DPP10: variants seen among roughly 807,000 people sequenced by gnomAD.
DPP10 encodes the protein dipeptidyl peptidase like 10.
Under a neutral mutation model 120.9 loss-of-function variants are expected in DPP10, and 33 were observed. That is an observed-to-expected ratio of 0.27 (90% CI 0.21 to 0.37). DPP10 has a LOEUF of 0.37. DPP10 is among the 10% of genes least tolerant of loss of function. The pLI, the probability that DPP10 is intolerant of heterozygous loss-of-function variation, is 1.00. For missense variants in DPP10, 816 were observed against 942.8 expected (o/e 0.87, Z 1.76); for synonymous variants, 337 against 326.1 (o/e 1.03, Z -0.36).
At chr2:115,725,578 T>G (rs2092747635) in intron 7 of DPP10, among the ~76,000 whole-genome samples, 1 of 152,180 alleles carries the variant, frequency 6.6e-6, no homozygotes, top group Non-Finnish European at 1.5e-5. Context: ...GGTCAATAGT[T>G]TTGGATAATT....
chr2:115,121,771 C>T lies in DPP10; in HGVS notation c.61-187468C>T, dbSNP rs561924083. On this transcript the variant is annotated intron_variant, in intron 1 of 25. Transcript: ENST00000410059. ...CCCTCCTGTTTGTGCATTTCTCCTTCTCCTTAGCCCTGTCCTCCTTATTCT... is the reference window on the plus strand; with the variant it reads ...CCCTCCTGTTTGTGCATTTCTCCTTTTCCTTAGCCCTGTCCTCCTTATTCT... Among the ~76,000 whole-genome samples the T allele has an allele frequency of 4.9e-4, 75 of 152,296 alleles. 1 individual carries two copies. Among genetic ancestry groups the T allele is most frequent in the African/African-American group, 1.2e-3 (49 of 41,574 alleles).
chr2:114,653,023 A>AGT (rs1307967017), intron 1 of DPP10, among the ~76,000 whole-genome samples: 46 of 102,634 alleles, frequency 4.5e-4, no homozygotes, highest in African/African-American at 2.3e-3. Context: ...AGAGAGAGAG[A>AGT]GAGAGTGTGT....
chr2:114,831,731 AC>A (rs1270526753), intron 1 of DPP10, among the ~76,000 whole-genome samples: 1 of 152,090 alleles, frequency 6.6e-6, no homozygotes, highest in East Asian at 1.9e-4. Flanking sequence ...GTTGCAGAGT[AC>A]AATTTAACTG....
chr2:115,750,040 G>A, intron 10 of DPP10: 1 of 985,364 alleles, frequency 1.0e-6, no homozygotes, highest in Non-Finnish European at 1.2e-6. Context: ...CAGAGCCATG[G>A]AGACTAGGAA....
intron 1 of DPP10, among the ~76,000 whole-genome samples, chr2:114,655,796 T>A (rs909350674): frequency 5.9e-5 from 9 of 152,282 alleles, no homozygotes; most frequent in African/African-American, 2.2e-4. Context: ...TAAAAAAAGA[T>A]ATTTCACAGA....
chr2:115,450,787 T>C (rs1017826556), intron 3 of DPP10, among the ~76,000 whole-genome samples: 2 of 151,932 alleles, frequency 1.3e-5, no homozygotes, highest in African/African-American at 4.8e-5. Context: ...GCTCTGAAGA[T>C]GCAATAATTT....
At position 114,829,677 on chromosome 2, in the gene DPP10, G is replaced by A. The variant is rs189639163; in HGVS notation, c.60+386839G>A. Among the ~76,000 whole-genome samples, 1,270 of 151,752 alleles carry A rather than the reference G, an allele frequency of 8.4e-3. 28 individuals are homozygous for A. The highest frequency in any genetic ancestry group is 7.6e-3 in the Non-Finnish European group (517 of 67,908). ...CAGGCGTGAGCCACCGTGCCTGGCC[G>A]GACGTTTTTTTTTAAGAGAAGGACA... On this transcript the variant is annotated intron_variant, in intron 1 of 25. Coordinates refer to ENST00000410059, the MANE Select transcript of DPP10 (RefSeq NM_020868.6).
intron 1 of DPP10, among the ~76,000 whole-genome samples, chr2:114,549,219 CG>C (rs1687669594): frequency 6.6e-6 from 1 of 151,392 alleles, no homozygotes; most frequent in South Asian, 2.1e-4. Context: ...TTCTCGGTGT[CG>C]TATGACCCAG....
chr2:115,345,464 A>G (rs1319686480), intron 3 of DPP10, among the ~76,000 whole-genome samples: 3 of 152,206 alleles, frequency 2.0e-5, no homozygotes, highest in African/African-American at 7.2e-5. Context: ...ACTCTTTAGC[A>G]AATATTTTCT....
intron 1 of DPP10, among the ~76,000 whole-genome samples, chr2:115,112,427 T>C (rs1487706240): frequency 6.6e-6 from 1 of 152,192 alleles, no homozygotes; most frequent in Non-Finnish European, 1.5e-5. Flanking sequence ...ATTGTTATTT[T>C]AATTGACAAA....
chr2:115,499,931 C>G (rs1398584001), intron 4 of DPP10, among the ~76,000 whole-genome samples: 1 of 151,800 alleles, frequency 6.6e-6, no homozygotes, highest in African/African-American at 2.4e-5. Context: ...CTCATCTAGC[C>G]TTATTTATTA....
At chr2:114,909,448 C>A (rs2106635245) in intron 1 of DPP10, among the ~76,000 whole-genome samples, 1 of 152,092 alleles carries the variant, frequency 6.6e-6, no homozygotes, top group South Asian at 2.1e-4. Context: ...CAGTAGCTTA[C>A]AAATTAGGCT....
chr2:115,803,062 T>G (rs13385447), intron 19 of DPP10, among the ~76,000 whole-genome samples: 224 of 152,164 alleles, frequency 1.5e-3, no homozygotes, highest in African/African-American at 5.2e-3. Context: ...TTGTGTGGGA[T>G]TCTAAGTCTC....
chr2:115,433,537 C>A (rs2071205234), intron 3 of DPP10, among the ~76,000 whole-genome samples: 1 of 151,952 alleles, frequency 6.6e-6, no homozygotes, highest in African/African-American at 2.4e-5. Flanking sequence ...TGTAATTAAT[C>A]TCATAAGCAA....
At chr2:115,785,325 G>A (rs1479860358) in intron 17 of DPP10, among the ~76,000 whole-genome samples, 1 of 152,120 alleles carries the variant, frequency 6.6e-6, no homozygotes, top group Non-Finnish European at 1.5e-5. Context: ...GCCAGGTTTT[G>A]GTATCAGAAT....
intron 1 of DPP10, among the ~76,000 whole-genome samples, chr2:114,884,610 T>C (rs1054073329): frequency 6.6e-6 from 1 of 152,160 alleles, no homozygotes; most frequent in African/African-American, 2.4e-5. Context: ...TTTGGTTATA[T>C]GAATATGTTC....
intron 3 of DPP10, among the ~76,000 whole-genome samples, chr2:115,402,808 C>T (rs559867666): frequency 7.1e-6 from 1 of 140,520 alleles, no homozygotes; most frequent in South Asian, 2.2e-4. Context: ...AAACTCATTA[C>T]CACAACACCA....
At chr2:115,183,333 T>A (rs2054209696) in intron 1 of DPP10, among the ~76,000 whole-genome samples, 1 of 152,186 alleles carries the variant, frequency 6.6e-6, no homozygotes, top group Admixed American at 6.5e-5. Flanking sequence ...AATTTGGGAA[T>A]AAAGCCACGT....
intron 1 of DPP10, among the ~76,000 whole-genome samples, chr2:115,081,812 C>G (rs1336830980): frequency 6.6e-6 from 1 of 152,186 alleles, no homozygotes; most frequent in Non-Finnish European, 1.5e-5. Context: ...GAGGTTCTAC[C>G]ACTTCCATTC....
Sources: allele counts gnomAD v4.1 joint callset (sites outside exome capture counted in the v4.1 genomes callset), GRCh38; gene constraint gnomAD v4.1.1; transcripts MANE v1.5; gene names NCBI Gene and HGNC (gene_info 2026-07-23, HGNC 2026-07-21).